Variants in INSYN2B observed in about 807,000 individuals in gnomAD.
INSYN2B encodes inhibitory synaptic factor family member 2B, also known as protein INSYN2B.
A neutral mutation model predicts 41.2 loss-of-function variants in INSYN2B; 16 were observed. That is an observed-to-expected ratio of 0.39 (90% confidence interval 0.26 to 0.59). The LOEUF (loss-of-function observed/expected upper bound fraction) is 0.59. Ranked by LOEUF, INSYN2B falls within the 20% of genes least tolerant of loss-of-function variation. INSYN2B has a pLI of 0.57. For synonymous variants in INSYN2B, 245 were observed against 244.4 expected (o/e 1.00, Z -0.02); for missense variants, 608 against 646.4 (o/e 0.94, Z 0.64).
intron 1 of INSYN2B, among the ~76,000 whole-genome samples, chr5:169,894,946 C>T (rs779658432): frequency 6.6e-6 from 1 of 152,146 alleles, no homozygotes; most frequent in African/African-American, 2.4e-5. Flanking sequence ...TGTTGTGGCC[C>T]CCCGTGAGGT....
Position 169,864,383 on chromosome 5 carries a change from C to T in INSYN2B, c.1498G>A (p.Glu500Lys), listed in dbSNP as rs2113421791. Residue 500 changes from glutamate to lysine, a missense_variant, in exon 4 of 4, where the codon GAG becomes AAG. Glu to Lys is a moderately conservative substitution (Grantham distance 56). Transcript: ENST00000377365. Reference protein sequence around the residue: ...LQSLEEAEPVEEASPPPKSPA... With the variant: ...LQSLEEAEPVKEASPPPKSPA... ...GACTTTGGTGGGGGCGATGCCTCCT[C>T]AACTGGCTCTGCTTCCTCCAGACTC... 1.9e-6 allele frequency: 3 copies of T among 1,551,574 alleles called. No homozygotes were observed. The highest frequency in any genetic ancestry group is 4.9e-5 in the East Asian group (2 of 40,922).
chr5:169,942,518 G>T (rs1776282207), intron 1 of INSYN2B, among the ~76,000 whole-genome samples: 1 of 152,202 alleles, frequency 6.6e-6, no homozygotes. Context: ...GAACTCATTT[G>T]CAAGGATCTA....
intron 1 of INSYN2B, among the ~76,000 whole-genome samples, chr5:169,947,640 G>C (rs1028352457): frequency 1.3e-5 from 2 of 152,188 alleles, no homozygotes; most frequent in Non-Finnish European, 2.9e-5. Context: ...CTCCAAAAAT[G>C]AAAATGAATA....
At chr5:169,924,646 C>G (rs1018992491) in intron 1 of INSYN2B, among the ~76,000 whole-genome samples, 1 of 152,168 alleles carries the variant, frequency 6.6e-6, no homozygotes. Context: ...ATTAGCAACC[C>G]CATCCTGCTT....
chr5:169,960,498 G>A (rs1040490344), intron 1 of INSYN2B, among the ~76,000 whole-genome samples: 3 of 152,194 alleles, frequency 2.0e-5, no homozygotes, highest in Non-Finnish European at 2.9e-5. Context: ...AGATGAAATG[G>A]AATAAAAAGG....
chr5:169,897,701 T>C (rs1773694166), intron 1 of INSYN2B, among the ~76,000 whole-genome samples: 1 of 152,198 alleles, frequency 6.6e-6, no homozygotes, highest in African/African-American at 2.4e-5. Flanking sequence ...AACTCTGCCT[T>C]GTGACGGGGT....
chr5:169,976,424 C>T (rs978515199), intron 1 of INSYN2B, among the ~76,000 whole-genome samples: 1 of 152,194 alleles, frequency 6.6e-6, no homozygotes, highest in African/African-American at 2.4e-5. Flanking sequence ...GATTCAGTAA[C>T]TGCTGTGCCT....
chr5:169,978,392 TGGGGGGGGGGGGGTGTAG>T (rs1777802761), intron 1 of INSYN2B, among the ~76,000 whole-genome samples: 5 of 22,732 alleles, frequency 2.2e-4, no homozygotes, highest in African/African-American at 5.7e-4. Context: ...TGTGTGTGTG[TGGGGGGGGGGGGGTGTAG>T]GTGTGTTTGC....
intron 1 of INSYN2B, among the ~76,000 whole-genome samples, chr5:169,936,832 T>C (rs1776022957): frequency 6.6e-6 from 1 of 152,158 alleles, no homozygotes; most frequent in Non-Finnish European, 1.5e-5. Flanking sequence ...CAAAACTCAA[T>C]TTAAATAACA....
intron 1 of INSYN2B, among the ~76,000 whole-genome samples, chr5:169,904,995 C>T (rs60445155): frequency 0.018 from 2,794 of 152,268 alleles, 87 homozygotes; most frequent in African/African-American, 0.064. Context: ...ACTGAACCTC[C>T]CTGAGCCTCA....
At chr5:169,913,433 A>G (rs1193120214) in intron 1 of INSYN2B, among the ~76,000 whole-genome samples, 2 of 152,204 alleles carry the variant, frequency 1.3e-5, no homozygotes, top group African/African-American at 4.8e-5. Context: ...GAATAGAACA[A>G]GCTCATTGCC....
chr5:169,927,917 G>A lies in INSYN2B; in HGVS notation c.-918-43101C>T, dbSNP rs925390874. 1.6e-4 allele frequency among the ~76,000 whole-genome samples: 24 copies of A among 152,262 alleles called. No homozygotes were observed. In the East Asian group the frequency reaches 1.7e-3, roughly 11 times the overall value. The stretch of plus-strand genomic sequence containing the variant: ...AGGCATGAGACACTGCTCCCGGCCC[G>A]AAAAATTCTTTATTCAGGGCTGGAT... On this transcript the variant is annotated intron_variant, in intron 1 of 3. Transcript: ENST00000377365.
chr5:169,865,700 G>A (rs1036937951), intron 3 of INSYN2B, among the ~76,000 whole-genome samples: 1 of 152,228 alleles, frequency 6.6e-6, no homozygotes, highest in African/African-American at 2.4e-5. Flanking sequence ...TGTGGGAAGT[G>A]GAGGAAACGT....
chr5:169,866,481 C>T (rs1010306537), intron 3 of INSYN2B, among the ~76,000 whole-genome samples: 1 of 152,192 alleles, frequency 6.6e-6, no homozygotes, highest in Non-Finnish European at 1.5e-5. Context: ...ATATACAACA[C>T]GCAGCATAGA....
In INSYN2B at chr5:169,883,653, G is replaced by A; in HGVS notation, c.246C>T (p.Ser82=). Residue 82 remains serine (S), a synonymous_variant, in exon 2 of 4, where the codon TCC becomes TCT. Coordinates refer to ENST00000377365, the MANE Select transcript of INSYN2B (RefSeq NM_001129891.3). ...CCCCTGCCTTCTGGGACCTGGGGAAGGAGAGCGAGTAGGTGGGGGGAAGAT... is the reference window on the plus strand; with the variant it reads ...CCCCTGCCTTCTGGGACCTGGGGAAAGAGAGCGAGTAGGTGGGGGGAAGAT... ...RHHLPPTYSL[S]FPRSQKAGGF... is the part of the protein sequence containing the mutation. 1 of 1,551,246 alleles carries A rather than the reference G, an allele frequency of 6.4e-7. No individual in the cohort carries two copies. Among genetic ancestry groups the A allele is most frequent in the South Asian group, 1.2e-5 (1 of 84,002 alleles).
chr5:169,909,997 T>G (rs1045385281), intron 1 of INSYN2B, among the ~76,000 whole-genome samples: 6 of 152,206 alleles, frequency 3.9e-5, no homozygotes, highest in African/African-American at 1.2e-4. Flanking sequence ...TTAATGACTC[T>G]GCAAGTCATC....
intron 1 of INSYN2B, among the ~76,000 whole-genome samples, chr5:169,972,582 TA>T (rs1449985981): frequency 0.16 from 9,257 of 59,326 alleles, 296 homozygotes; most frequent in Admixed American, 0.2. Context: ...GATAGATAGA[TA>T]GATGATAGAT....
intron 1 of INSYN2B, among the ~76,000 whole-genome samples, chr5:169,913,201 A>C (rs1774703423): frequency 6.6e-6 from 1 of 152,350 alleles, no homozygotes; most frequent in African/African-American, 2.4e-5. Flanking sequence ...GGAATGTGCT[A>C]TTGAAGTTTA....
At chr5:169,891,089 C>G (rs373903902) in intron 1 of INSYN2B, among the ~76,000 whole-genome samples, 20 of 152,334 alleles carry the variant, frequency 1.3e-4, no homozygotes, top group East Asian at 1.2e-3. Context: ...CCCATCTCAT[C>G]TCATGCCACT....
Sources: allele counts gnomAD v4.1 joint callset (sites outside exome capture counted in the v4.1 genomes callset), GRCh38; gene constraint gnomAD v4.1.1; transcripts MANE v1.5; gene names NCBI Gene and HGNC (gene_info 2026-07-23, HGNC 2026-07-21).